The following SEMA5B variants were observed in gnomAD, a reference collection of about 807,000 sequenced individuals.
The protein encoded by SEMA5B is semaphorin-5B.
A neutral mutation model predicts 135.0 loss-of-function variants in SEMA5B; 66 were observed. That is an observed-to-expected ratio of 0.49 (90% confidence interval 0.40 to 0.60). The LOEUF (loss-of-function observed/expected upper bound fraction) is 0.60, where lower values mean the gene tolerates loss of function less well. SEMA5B is among the 20% of genes least tolerant of loss of function. The pLI is 0.00. For synonymous variants in SEMA5B, 690 were observed against 639.5 expected (o/e 1.08, Z -1.19); for missense variants, 1,501 against 1,566.3 (o/e 0.96, Z 0.70).
chr3:122,970,027 A>C (rs1027040103), intron 1 of SEMA5B, among the ~76,000 whole-genome samples: 11 of 152,080 alleles, frequency 7.2e-5, no homozygotes, highest in Admixed American at 2.6e-4. Context: ...GTCTCGGCTG[A>C]TGTTCAGGAC....
intron 2 of SEMA5B, among the ~76,000 whole-genome samples, chr3:122,958,852 G>T (rs1052728269): frequency 6.6e-6 from 1 of 152,110 alleles, no homozygotes; most frequent in Non-Finnish European, 1.5e-5. Context: ...CTGCAATCTG[G>T]GCTGAGTTCT....
intron 18 of SEMA5B, 48 bp downstream of exon 18, chr3:122,912,795 G>A: frequency 6.7e-7 from 1 of 1,494,874 alleles, no homozygotes. Flanking sequence ...GGGGCCTCCA[G>A]GATGACAGGG....
Position 122,923,869 on chromosome 3 carries a change from T to A in SEMA5B, c.1137-117A>T, listed in dbSNP as rs973069909. 7.9e-6 allele frequency: 9 copies of A among 1,134,862 alleles called. No individual in the cohort carries two copies. In the Admixed American group the frequency reaches 1.0e-4, roughly 13 times the overall value. The allele number at this position is 1,134,862 out of a possible 1,614,324, so 70.3% of individuals were successfully genotyped here. On this transcript the variant is annotated intron_variant, in intron 9 of 22. Transcript: ENST00000357599. ...CAAGGCTCTGTAAGCATCTATGATG[T>A]GTCTGGCACATGGGGGGATCTCAAA...
At chr3:122,965,975 C>T (rs1441166025) in intron 1 of SEMA5B, among the ~76,000 whole-genome samples, 2 of 152,188 alleles carry the variant, frequency 1.3e-5, no homozygotes, top group Non-Finnish European at 2.9e-5. Context: ...ACATGAATGG[C>T]TGGATGTGCC....
intron 1 of SEMA5B, among the ~76,000 whole-genome samples, chr3:122,996,528 G>A (rs2107738513): frequency 6.6e-6 from 1 of 152,350 alleles, no homozygotes; most frequent in South Asian, 2.1e-4. Context: ...CACGAGCAGT[G>A]GAAGGAGGGA....
At chr3:122,972,472 C>T (rs921286398) in intron 1 of SEMA5B, among the ~76,000 whole-genome samples, 12 of 152,172 alleles carry the variant, frequency 7.9e-5, no homozygotes, top group Non-Finnish European at 1.3e-4. Flanking sequence ...ATCAGTCACC[C>T]TTGAAATATG....
intron 1 of SEMA5B, among the ~76,000 whole-genome samples, chr3:122,982,253 C>G (rs1341400804): frequency 2.0e-5 from 3 of 152,224 alleles, no homozygotes; most frequent in Non-Finnish European, 1.5e-5. Context: ...AGAGGGTTTC[C>G]TCTGGCTCCT....
chr3:123,016,168 C>T (rs947436861), intron 1 of SEMA5B, among the ~76,000 whole-genome samples: 27 of 152,172 alleles, frequency 1.8e-4, no homozygotes, highest in Admixed American at 6.5e-4. Context: ...CTTGAGGGAG[C>T]CCCACATTGG....
chr3:122,957,806 C>T (rs1162250849), intron 2 of SEMA5B, among the ~76,000 whole-genome samples: 1 of 152,208 alleles, frequency 6.6e-6, no homozygotes, highest in African/African-American at 2.4e-5. Context: ...TAAGCCCACA[C>T]CCTGGGCTGC....
Position 122,912,956 on chromosome 3 carries a change from A to T in SEMA5B, c.2612T>A (p.Leu871Gln). 1 of 1,612,430 alleles carries T rather than the reference A, an allele frequency of 6.2e-7. No individual in the cohort carries two copies. Among genetic ancestry groups the T allele is most frequent in the Non-Finnish European group, 8.5e-7 (1 of 1,179,364 alleles). Residue 871 changes from leucine (L) to glutamine (Q), a missense_variant, in exon 18 of 23, where the codon CTG becomes CAG. Leu to Gln is a moderately radical substitution (Grantham distance 113). Transcript: ENST00000357599. The part of the protein sequence containing the change: ...PWSSCSRDCE[L>Q]GFRVRKRTCT... ...CGTTCTCTTGCGGACGCGGAAGCCC[A>T]GCTCGCAGTCCCGGGAGCAGGACGA...
At chr3:122,974,803 G>A (rs1941257701) in intron 1 of SEMA5B, among the ~76,000 whole-genome samples, 1 of 152,170 alleles carries the variant, frequency 6.6e-6, no homozygotes. Context: ...CTTTAAACCT[G>A]GCCATTGGTG....
At chr3:123,017,728 T>A (rs1404156415) in intron 1 of SEMA5B, among the ~76,000 whole-genome samples, 1 of 152,044 alleles carries the variant, frequency 6.6e-6, no homozygotes, top group Non-Finnish European at 1.5e-5. Context: ...GCCAATATGG[T>A]GAAACCTCAT....
At chr3:122,964,200 C>T (rs1310575464) in intron 1 of SEMA5B, among the ~76,000 whole-genome samples, 1 of 152,226 alleles carries the variant, frequency 6.6e-6, no homozygotes, top group Non-Finnish European at 1.5e-5. Flanking sequence ...CACGTTTCAA[C>T]ATTCTCAGGC....
intron 1 of SEMA5B, among the ~76,000 whole-genome samples, chr3:123,001,151 A>G (rs1314454346): frequency 6.6e-6 from 1 of 152,160 alleles, no homozygotes; most frequent in South Asian, 2.1e-4. Context: ...CTGTGGGAAG[A>G]GACCATAAAC....
At chr3:123,019,777 G>A (rs2107825248) in intron 1 of SEMA5B, among the ~76,000 whole-genome samples, 1 of 152,278 alleles carries the variant, frequency 6.6e-6, no homozygotes, top group East Asian at 1.9e-4. Context: ...GAAGATGAAA[G>A]GGCTGAGCAG....
At chr3:122,915,651 T>C in intron 13 of SEMA5B, 30 bp from the exon 14 acceptor site, 1 of 1,602,690 alleles carries the variant, frequency 6.2e-7, no homozygotes, top group Non-Finnish European at 8.5e-7. Flanking sequence ...ACAGTACCCC[T>C]ATTACCCAAG....
chr3:122,917,697 C>T (rs1015092270), intron 12 of SEMA5B, among the ~76,000 whole-genome samples: 8 of 152,146 alleles, frequency 5.3e-5, no homozygotes, highest in Non-Finnish European at 1.0e-4. Context: ...CATGGGAGCC[C>T]GGTGAGCACA....
At chr3:122,912,419 A>G (rs868244947) in intron 18 of SEMA5B, 77 bp from the exon 19 acceptor site, 2 of 1,352,812 alleles carry the variant, frequency 1.5e-6, no homozygotes, top group Middle Eastern at 2.4e-4. Flanking sequence ...ATACCAGCCC[A>G]GACCACTCTG....
chr3:122,965,693 A>G (rs1940786912), intron 1 of SEMA5B, among the ~76,000 whole-genome samples: 1 of 152,236 alleles, frequency 6.6e-6, no homozygotes, highest in East Asian at 1.9e-4. Flanking sequence ...ACATGCATCC[A>G]AAAGCATTCC....
Sources: allele counts gnomAD v4.1 joint callset (sites outside exome capture counted in the v4.1 genomes callset), GRCh38; gene constraint gnomAD v4.1.1; transcripts MANE v1.5; gene names NCBI Gene and HGNC (gene_info 2026-07-23, HGNC 2026-07-21).